Variants in PDLIM1 observed in about 807,000 individuals in gnomAD.
PDLIM1 encodes the protein PDZ and LIM domain 1, also known as PDZ and LIM domain protein 1.
In PDLIM1, 25 loss-of-function variants were observed where a neutral mutation model predicts 35.2. The observed-to-expected ratio is 0.71, with a 90% CI of 0.52 to 0.99. The LOEUF is 0.99. PDLIM1 is among the 50% of genes least tolerant of loss of function. The probability of loss-of-function intolerance (pLI) is 0.00; values close to 1 mark genes in which losing one functional copy is unlikely to be tolerated. For missense variants in PDLIM1, 363 were observed against 415.3 expected (o/e 0.87, Z 1.09); for synonymous variants, 152 against 154.0 (o/e 0.99, Z 0.10).
At chr10:95,241,116 C>T (rs2035174350) in intron 5 of PDLIM1, among the ~76,000 whole-genome samples, 1 of 152,184 alleles carries the variant, frequency 6.6e-6, no homozygotes, top group African/African-American at 2.4e-5. Flanking sequence ...ACTGCAGTCA[C>T]GTCGGGCAAT....
intron 2 of PDLIM1, among the ~76,000 whole-genome samples, chr10:95,270,040 C>T (rs2035449294): frequency 6.6e-6 from 1 of 152,258 alleles, no homozygotes; most frequent in South Asian, 2.1e-4. Flanking sequence ...CCTGGCCATA[C>T]TTAACTTTAT....
At chr10:95,271,169 G>A (rs1240773254) in intron 2 of PDLIM1, among the ~76,000 whole-genome samples, 5 of 151,336 alleles carry the variant, frequency 3.3e-5, no homozygotes, top group Non-Finnish European at 7.4e-5. Context: ...GGGCACGGTG[G>A]CTCACACCTG....
At chr10:95,248,158 G>C (rs1471255786) in intron 4 of PDLIM1, among the ~76,000 whole-genome samples, 3 of 152,166 alleles carry the variant, frequency 2.0e-5, no homozygotes, top group Non-Finnish European at 2.9e-5. Flanking sequence ...TCCTCCATCT[G>C]ACCCCTTCTC....
chr10:95,260,503 T>G lies in PDLIM1; in HGVS notation c.533+3361A>C, dbSNP rs572571052. 5.9e-4 allele frequency among the ~76,000 whole-genome samples: 90 copies of G among 152,286 alleles called. 1 individual carries two copies. The highest frequency in any genetic ancestry group is 2.1e-3 in the African/African-American group (87 of 41,562). ...CACTCAATAAATGATTATGCTGAAC[T>G]GACCTAGAGGAAAAAGGCCACTGAG... On this transcript the variant is annotated intron_variant, in intron 4 of 6. Coordinates refer to ENST00000329399, the MANE Select transcript of PDLIM1 (RefSeq NM_020992.4).
At chr10:95,252,276 A>C (rs2035274149) in intron 4 of PDLIM1, among the ~76,000 whole-genome samples, 1 of 152,166 alleles carries the variant, frequency 6.6e-6, no homozygotes, top group African/African-American at 2.4e-5. Flanking sequence ...GTGTCAGTGG[A>C]AGCCATATGG....
At chr10:95,270,899 C>T (rs1047889483) in intron 2 of PDLIM1, among the ~76,000 whole-genome samples, 4 of 151,520 alleles carry the variant, frequency 2.6e-5, no homozygotes, top group African/African-American at 7.3e-5. Context: ...TACAGGTGCA[C>T]GCTACCACAC....
chr10:95,283,854 G>A (rs762536570), intron 1 of PDLIM1, among the ~76,000 whole-genome samples: 21 of 152,288 alleles, frequency 1.4e-4, no homozygotes, highest in Admixed American at 3.3e-4. Context: ...CCCGCCTTCC[G>A]TCACTGACCT....
intron 3 of PDLIM1, among the ~76,000 whole-genome samples, chr10:95,265,795 A>C (rs1056705278): frequency 6.6e-6 from 1 of 151,452 alleles, no homozygotes; most frequent in African/African-American, 2.4e-5. Flanking sequence ...CAGCTACTTG[A>C]GAGGGCTGAG....
intron 3 of PDLIM1, among the ~76,000 whole-genome samples, chr10:95,264,347 G>A (rs12768190): frequency 0.61 from 92,359 of 152,072 alleles, 29,548 homozygotes; most frequent in Non-Finnish European, 0.7. Context: ...AGGCACCCTC[G>A]GGCAGGACAG....
At chr10:95,269,551 G>A (rs1404406810) in intron 2 of PDLIM1, among the ~76,000 whole-genome samples, 33 of 136,034 alleles carry the variant, frequency 2.4e-4, no homozygotes, top group African/African-American at 8.9e-4. Context: ...CAGCCTGGGT[G>A]ACAGAGTGAG....
intron 1 of PDLIM1, among the ~76,000 whole-genome samples, chr10:95,274,673 A>G (rs2035496669): frequency 1.3e-5 from 2 of 152,166 alleles, no homozygotes; most frequent in Non-Finnish European, 1.5e-5. Flanking sequence ...TTGGTGGGTT[A>G]GTTTGTTTAA....
At chr10:95,239,718 C>A (rs1426380283) in intron 5 of PDLIM1, among the ~76,000 whole-genome samples, 5 of 152,142 alleles carry the variant, frequency 3.3e-5, no homozygotes, top group Admixed American at 3.3e-4. Flanking sequence ...ATCACTTGAA[C>A]CCAGGAGGCG....
intron 2 of PDLIM1, among the ~76,000 whole-genome samples, chr10:95,269,596 C>T (rs1309984156): frequency 6.0e-5 from 9 of 148,810 alleles, no homozygotes; most frequent in Admixed American, 3.4e-4. Context: ...AAGAGAAGAA[C>T]GCCCCTCTTT....
intron 1 of PDLIM1, among the ~76,000 whole-genome samples, chr10:95,276,487 A>G (rs1259306881): frequency 6.6e-6 from 1 of 152,202 alleles, no homozygotes; most frequent in Admixed American, 6.5e-5. Context: ...AGAAGTGACA[A>G]GGGTTACAGG....
intron 1 of PDLIM1, among the ~76,000 whole-genome samples, chr10:95,285,333 G>A (rs1219022660): frequency 6.6e-6 from 1 of 152,208 alleles, no homozygotes; most frequent in Non-Finnish European, 1.5e-5. Flanking sequence ...AGGCTCCAGG[G>A]TGTGGAGCCC....
At position 95,237,833 on chromosome 10, in the gene PDLIM1, G is replaced by C; in HGVS notation, c.*92C>G. On this transcript the variant is annotated 3_prime_UTR_variant, in exon 7 of 7. Coordinates refer to ENST00000329399, the MANE Select transcript of PDLIM1 (RefSeq NM_020992.4). ...ACAAGCAGAGGGAAAACCAAAGTAA[G>C]CAGAGAACTTTCAAGAGAGGAGAGG... 1.8e-6 allele frequency: 2 copies of C among 1,119,778 alleles called. No homozygotes were observed. Among genetic ancestry groups the C allele is most frequent in the South Asian group, 3.1e-5 (2 of 63,832 alleles). 69.4% of individuals were successfully genotyped at this position (1,119,778 alleles called of 1,614,324 possible). A position where few individuals can be genotyped will look rare whatever the true frequency, so the allele number is the denominator to read the frequency against.
intron 1 of PDLIM1, among the ~76,000 whole-genome samples, chr10:95,287,024 C>A (rs753021019): frequency 6.6e-6 from 1 of 152,214 alleles, no homozygotes; most frequent in Non-Finnish European, 1.5e-5. Flanking sequence ...CTCAAACAAA[C>A]CAGCAAGGTT....
chr10:95,256,641 A>G (rs1007556528), intron 4 of PDLIM1, among the ~76,000 whole-genome samples: 4 of 152,202 alleles, frequency 2.6e-5, no homozygotes, highest in Non-Finnish European at 5.9e-5. Flanking sequence ...ATTCACATGT[A>G]AAAGAATGAA....
chr10:95,270,589 T>G (rs2035456102), intron 2 of PDLIM1, among the ~76,000 whole-genome samples: 4 of 152,128 alleles, frequency 2.6e-5, no homozygotes, highest in Admixed American at 2.6e-4. Flanking sequence ...GCTCCCAAGG[T>G]GCTACCCTCA....
Sources: gnomAD v4.1 joint callset for allele counts (sites outside exome capture counted in the v4.1 genomes callset) on GRCh38, gnomAD v4.1.1 for gene constraint, MANE v1.5 for transcripts, NCBI Gene and HGNC (gene_info 2026-07-23, HGNC 2026-07-21) for gene names.